Variants in GTF2H5 observed in about 807,000 individuals in gnomAD.
GTF2H5 encodes TFB5 ortholog.
GTF2H5 carries 5 observed loss-of-function variants against 7.1 expected under a neutral mutation model. That is an observed-to-expected ratio of 0.71 (90% CI 0.37 to 1.49). GTF2H5 has a LOEUF of 1.49. Ranked by LOEUF, GTF2H5 falls within the 40% of genes most tolerant of loss-of-function variation. The pLI, the probability that GTF2H5 is intolerant of heterozygous loss-of-function variation, is 0.03. For synonymous variants in GTF2H5, 30 were observed against 31.7 expected (o/e 0.95, Z 0.18); for missense variants, 80 against 83.0 (o/e 0.96, Z 0.14).
At position 158,192,131 on chromosome 6, in the gene GTF2H5, A is replaced by T; in HGVS notation, c.190A>T (p.Asn64Tyr). ...GCGAGTGGGTGAATTAATGGACCAA[A>T]ATGCTTTTTCCCTTACCCAGAAATG... is the stretch of plus-strand genomic sequence containing the variant. ...QERVGELMDQNAFSLTQK is the reference protein window; with the variant it reads ...QERVGELMDQYAFSLTQK Residue 64 changes from asparagine to tyrosine, a missense_variant, in exon 3 of 3, where the codon AAT becomes TAT. By Grantham distance (143) the Asn-to-Tyr change is moderately radical. Coordinates refer to ENST00000607778, the MANE Select transcript of GTF2H5 (RefSeq NM_207118.3). The T allele has an allele frequency of 6.2e-7, 1 of 1,613,238 alleles. No individual in the cohort carries two copies.
intron 1 of GTF2H5, among the ~76,000 whole-genome samples, chr6:158,169,441 A>ATATATTATATATAT (rs1562468089): frequency 1.5e-5 from 1 of 64,624 alleles, no homozygotes; most frequent in Non-Finnish European, 2.5e-5. Flanking sequence ...TGTATATTAT[A>ATATATTATATATAT]TATATTATAT....
intron 1 of GTF2H5, among the ~76,000 whole-genome samples, chr6:158,169,153 G>T (rs956857335): frequency 2.0e-5 from 3 of 149,388 alleles, no homozygotes; most frequent in Non-Finnish European, 3.0e-5. Context: ...AGAATCGCTT[G>T]AGCCCGGGAG....
Position 158,198,125 on chromosome 6 carries a change from AT to A in GTF2H5, c.*5969del. Reference sequence around the variant, plus strand: ...TAAAGGGGAAGATAGAAACACACACATATGCGTTGTTTTCCCCACTTTCACA... The same window carrying A: ...TAAAGGGGAAGATAGAAACACACACAATGCGTTGTTTTCCCCACTTTCACA... On this transcript the variant is annotated 3_prime_UTR_variant, in exon 3 of 3. Coordinates refer to ENST00000607778, the MANE Select transcript of GTF2H5 (RefSeq NM_207118.3). The A allele has an allele frequency of 6.6e-6, 1 of 152,210 alleles. No individual in the cohort carries two copies. Among genetic ancestry groups the A allele is most frequent in the Non-Finnish European group, 1.5e-5 (1 of 68,036 alleles). The allele number at this position is 152,210 out of a possible 1,614,324, so 9.4% of individuals were successfully genotyped here.
chr6:158,173,373 A>G (rs1785883726), intron 2 of GTF2H5, among the ~76,000 whole-genome samples: 2 of 152,186 alleles, frequency 1.3e-5, no homozygotes, highest in African/African-American at 2.4e-5. Context: ...ATAGATTCCC[A>G]AAGGAAAGGG....
At chr6:158,169,467 T>TTATATATATAATATAC (rs1562468234) in intron 1 of GTF2H5, among the ~76,000 whole-genome samples, 1 of 64,428 alleles carries the variant, frequency 1.6e-5, no homozygotes, top group African/African-American at 8.9e-5. Flanking sequence ...ATATATTATA[T>TTATATATATAATATAC]TGTATATTAT....
intron 2 of GTF2H5, among the ~76,000 whole-genome samples, chr6:158,189,895 T>C (rs1776997217): frequency 6.6e-6 from 1 of 152,148 alleles, no homozygotes; most frequent in African/African-American, 2.4e-5. Context: ...TTTCAGCCCT[T>C]GCTATACCCT....
In GTF2H5 at chr6:158,195,032, G is replaced by A. The variant is rs149050245; in HGVS notation, c.*2875G>A. 4.6e-5 allele frequency: 7 copies of A among 152,236 alleles called. No homozygotes were observed. Among genetic ancestry groups the A allele is most frequent in the Non-Finnish European group, 1.0e-4 (7 of 68,016 alleles). The allele number at this position is 152,236 out of a possible 1,614,324, so 9.4% of individuals were successfully genotyped here. A position where few individuals can be genotyped will look rare whatever the true frequency, so the allele number is the denominator to read the frequency against. On this transcript the variant is annotated 3_prime_UTR_variant, in exon 3 of 3. Coordinates refer to ENST00000607778, the MANE Select transcript of GTF2H5 (RefSeq NM_207118.3). The stretch of plus-strand genomic sequence containing the variant: ...CCAACTATGGGTGAACAGGAAATAA[G>A]CGACATTCACCTAGGCTGTTTATTG...
chr6:158,175,730 C>T (rs1216874540), intron 2 of GTF2H5, among the ~76,000 whole-genome samples: 1 of 151,482 alleles, frequency 6.6e-6, no homozygotes, highest in Non-Finnish European at 1.5e-5. Flanking sequence ...TGCCACTGCA[C>T]TCCAGCCTGA....
At chr6:158,180,030 G>A (rs1785988373) in intron 2 of GTF2H5, among the ~76,000 whole-genome samples, 1 of 152,160 alleles carries the variant, frequency 6.6e-6, no homozygotes, top group Non-Finnish European at 1.5e-5. Context: ...TCGATACGTA[G>A]TTTATGGAGA....
chr6:158,196,746 C>G lies in GTF2H5; in HGVS notation c.*4589C>G, dbSNP rs936618246. 1.3e-5 allele frequency: 2 copies of G among 152,024 alleles called. No homozygotes were observed. Among genetic ancestry groups the G allele is most frequent in the Non-Finnish European group, 2.9e-5 (2 of 68,014 alleles). The allele number at this position is 152,024 out of a possible 1,614,324, so 9.4% of individuals were successfully genotyped here. On this transcript the variant is annotated 3_prime_UTR_variant, in exon 3 of 3. Coordinates refer to ENST00000607778, the MANE Select transcript of GTF2H5 (RefSeq NM_207118.3). ...GCAAAAAGTTTATGGGAACAACGCC[C>G]CAAGGAAATCAGTTTACAAATGGAT...
chr6:158,175,967 C>T (rs553251776), intron 2 of GTF2H5, among the ~76,000 whole-genome samples: 7 of 152,266 alleles, frequency 4.6e-5, no homozygotes, highest in Non-Finnish European at 8.8e-5. Context: ...CCTGTACTAA[C>T]GCTGTTTTCC....
At chr6:158,183,724 T>A (rs902721622) in intron 2 of GTF2H5, among the ~76,000 whole-genome samples, 7 of 151,860 alleles carry the variant, frequency 4.6e-5, no homozygotes, top group African/African-American at 1.7e-4. Context: ...CAGGAGGGGA[T>A]CTCCTGGTCC....
intron 2 of GTF2H5, among the ~76,000 whole-genome samples, chr6:158,179,454 G>A (rs1445921965): frequency 6.6e-6 from 1 of 152,128 alleles, no homozygotes; most frequent in Non-Finnish European, 1.5e-5. Flanking sequence ...CCATTTTCAC[G>A]ATATTGATTC....
At chr6:158,171,997 T>C (rs959222315) in intron 2 of GTF2H5, among the ~76,000 whole-genome samples, 4 of 152,152 alleles carry the variant, frequency 2.6e-5, no homozygotes, top group African/African-American at 9.7e-5. Flanking sequence ...CGTTGGCCTT[T>C]AGTGTTATTT....
At chr6:158,170,411 C>T (rs1050029379) in intron 1 of GTF2H5, 59 bp from the exon 2 acceptor site, 17 of 1,018,486 alleles carry the variant, frequency 1.7e-5, no homozygotes, top group Non-Finnish European at 2.5e-5. Context: ...GAGGCAGATC[C>T]CCAAAGTATA....
intron 2 of GTF2H5, among the ~76,000 whole-genome samples, chr6:158,174,075 G>A (rs1263472073): frequency 6.6e-6 from 1 of 152,108 alleles, no homozygotes; most frequent in East Asian, 1.9e-4. Context: ...TGCCATCTTG[G>A]TTCTGGCTGG....
At chr6:158,190,822 A>G (rs1188653365) in intron 2 of GTF2H5, 4 of 415,156 alleles carry the variant, frequency 9.6e-6, no homozygotes, top group Non-Finnish European at 1.9e-5. Context: ...GTGCAGCTTG[A>G]CATTTTTATA....
At chr6:158,177,155 A>G (rs976499425) in intron 2 of GTF2H5, among the ~76,000 whole-genome samples, 2 of 152,228 alleles carry the variant, frequency 1.3e-5, no homozygotes, top group African/African-American at 4.8e-5. Context: ...TGATAGGGAT[A>G]GAACTAATTG....
At chr6:158,169,856 A>T (rs1374907743) in intron 1 of GTF2H5, among the ~76,000 whole-genome samples, 1 of 136,594 alleles carries the variant, frequency 7.3e-6, no homozygotes, top group Non-Finnish European at 1.5e-5. Context: ...CACACACACG[A>T]TACAACACAG....
Sources: gnomAD v4.1 joint callset for allele counts (sites outside exome capture counted in the v4.1 genomes callset) on GRCh38, gnomAD v4.1.1 for gene constraint, MANE v1.5 for transcripts, NCBI Gene and HGNC (gene_info 2026-07-23, HGNC 2026-07-21) for gene names.